The following ZSCAN5A variants were observed in gnomAD, a reference collection of about 807,000 sequenced individuals.
ZSCAN5A encodes zinc finger and SCAN domain-containing protein 5A.
ZSCAN5A carries 12 observed loss-of-function variants against 23.7 expected under a neutral mutation model. The observed-to-expected ratio is 0.51, with a 90% confidence interval of 0.32 to 0.82. ZSCAN5A has a LOEUF of 0.82. Ranked by LOEUF, ZSCAN5A falls within the 40% of genes least tolerant of loss-of-function variation. The pLI is 0.03. For synonymous variants in ZSCAN5A, 257 were observed against 239.9 expected (o/e 1.07, Z -0.66); for missense variants, 597 against 617.9 (o/e 0.97, Z 0.36).
chr19:56,325,748 T>C (rs73052174), intron 2 of ZSCAN5A, among the ~76,000 whole-genome samples: 28,696 of 151,764 alleles, frequency 0.19, 3,581 homozygotes, highest in African/African-American at 0.36. Context: ...GTTGTTGTTG[T>C]TGCTGTTTTC....
intron 2 of ZSCAN5A, among the ~76,000 whole-genome samples, chr19:56,276,326 G>T (rs1407312873): frequency 1.3e-5 from 2 of 152,060 alleles, no homozygotes; most frequent in Non-Finnish European, 2.9e-5. Context: ...TCACTCCTTT[G>T]TCTGGGGAAG....
At chr19:56,317,312 C>G (rs1221551932), upstream of ZSCAN5A, 2 of 152,458 alleles carry the variant, frequency 1.3e-5, no homozygotes, top group East Asian at 3.9e-4. Context: ...GCCACCCAGA[C>G]ACTGCAGGAC....
chr19:56,251,054 G>A (rs10414437), intron 2 of ZSCAN5A, among the ~76,000 whole-genome samples: 15,850 of 151,732 alleles, frequency 0.1, 2,238 homozygotes, highest in African/African-American at 0.32. Context: ...GGAAGCTGGG[G>A]CAGGAGAATC....
intron 2 of ZSCAN5A, among the ~76,000 whole-genome samples, chr19:56,327,037 C>T (rs2041440806): frequency 6.6e-6 from 1 of 151,270 alleles, no homozygotes; most frequent in African/African-American, 2.5e-5. Context: ...GTGACACTTA[C>T]ATGAATATAG....
chr19:56,321,634 T>C (rs917442132), intron 2 of ZSCAN5A: 16 of 876,882 alleles, frequency 1.8e-5, no homozygotes, highest in Non-Finnish European at 3.0e-5. Flanking sequence ...GGTTCATCCA[T>C]GCATCGTTAT....
rs183588436 is a variant in ZSCAN5A at position 56,294,103 on chromosome 19, C to A, written c.-128+19180G>T. Among the ~76,000 whole-genome samples the A allele has an allele frequency of 8.5e-5, 13 of 152,292 alleles. No individual in the cohort carries two copies. In the East Asian group the frequency reaches 2.3e-3, roughly 27 times the overall value. ...AGCACTTTGCAAACTGAAAGCAGACCCAGCAGGAAAATCCCAAACACCTGC... is the reference window on the plus strand; with the variant it reads ...AGCACTTTGCAAACTGAAAGCAGACACAGCAGGAAAATCCCAAACACCTGC... On this transcript the variant is annotated intron_variant, in intron 2 of 5. Transcript: ENST00000683990.
intron 2 of ZSCAN5A, among the ~76,000 whole-genome samples, chr19:56,238,641 T>C (rs1273688701): frequency 6.6e-6 from 1 of 151,564 alleles, no homozygotes; most frequent in Admixed American, 6.6e-5. Context: ...TAAAAATAAA[T>C]CAATCAATAA....
intron 2 of ZSCAN5A, among the ~76,000 whole-genome samples, chr19:56,262,296 G>A (rs2037177469): frequency 6.6e-6 from 1 of 152,100 alleles, no homozygotes; most frequent in African/African-American, 2.4e-5. Context: ...TAGGATTACA[G>A]GCATGAGCCA....
At chr19:56,231,959 C>T (rs1018718550) in intron 2 of ZSCAN5A, among the ~76,000 whole-genome samples, 2 of 150,388 alleles carry the variant, frequency 1.3e-5, no homozygotes, top group African/African-American at 2.4e-5. Flanking sequence ...TTACAGATCA[C>T]GGACAGAATT....
At chr19:56,325,652 A>G (rs1005429272) in intron 2 of ZSCAN5A, among the ~76,000 whole-genome samples, 5 of 151,990 alleles carry the variant, frequency 3.3e-5, no homozygotes, top group African/African-American at 1.2e-4. Context: ...AGAAGTAGAC[A>G]CTTAAAAAAA....
intron 2 of ZSCAN5A, among the ~76,000 whole-genome samples, chr19:56,265,351 G>A (rs552229681): frequency 6.8e-6 from 1 of 148,100 alleles, no homozygotes; most frequent in African/African-American, 2.5e-5. Context: ...AATATTAATT[G>A]AGCATCTAGT....
At chr19:56,261,742 A>G (rs2037144596) in intron 2 of ZSCAN5A, among the ~76,000 whole-genome samples, 1 of 152,216 alleles carries the variant, frequency 6.6e-6, no homozygotes, top group African/African-American at 2.4e-5. Flanking sequence ...CCAAAAACTG[A>G]TATTATTGAA....
At chr19:56,222,996 G>C (rs1272821579) in intron 4 of ZSCAN5A, among the ~76,000 whole-genome samples, 1 of 152,084 alleles carries the variant, frequency 6.6e-6, no homozygotes, top group Admixed American at 6.5e-5. Context: ...GGTTCTCTGA[G>C]CATATTTCTC....
intron 2 of ZSCAN5A, among the ~76,000 whole-genome samples, chr19:56,357,598 T>A (rs1476638635): frequency 6.8e-6 from 1 of 147,106 alleles, no homozygotes; most frequent in African/African-American, 2.6e-5. Context: ...AAAAATCAAA[T>A]TCAAATTGAA....
chr19:56,322,225 A>G, intron 2 of ZSCAN5A: 1 of 946,906 alleles, frequency 1.1e-6, no homozygotes, highest in South Asian at 1.3e-5. Flanking sequence ...TCCTTCTGTA[A>G]TAAGCAAACT....
chr19:56,322,836 T>C (rs2041390718), intron 2 of ZSCAN5A, among the ~76,000 whole-genome samples: 1 of 152,082 alleles, frequency 6.6e-6, no homozygotes, highest in Admixed American at 6.5e-5. Context: ...GTAAATGCTA[T>C]GTAAATAGTT....
Position 56,222,058 on chromosome 19 carries a change from T to G in ZSCAN5A, c.1008A>C (p.Pro336=). The change falls in exon 6 of 6, where the codon CCA becomes CCC. Residue 336 remains proline, a synonymous_variant. Coordinates refer to ENST00000683990, the MANE Select transcript of ZSCAN5A (RefSeq NM_001322064.3). ...GGTGACTGACTGGGCTCGCAGGGCCTGGGGAATGAATTGAATTCATCCCAG... is the reference window on the plus strand; with the variant it reads ...GGTGACTGACTGGGCTCGCAGGGCCGGGGGAATGAATTGAATTCATCCCAG... ...GQAGMNSIHS[P]GPASPVSHPD... is the part of the protein sequence containing the mutation. The G allele has an allele frequency of 6.2e-7, 1 of 1,614,176 alleles. No homozygotes were observed. The highest frequency in any genetic ancestry group is 8.5e-7 in the Non-Finnish European group (1 of 1,180,024).
At chr19:56,246,944 C>T (rs2035955746) in intron 2 of ZSCAN5A, 4 of 1,552,274 alleles carry the variant, frequency 2.6e-6, no homozygotes, top group Admixed American at 1.7e-5. Flanking sequence ...GGAGCCACAC[C>T]TGTGGGCAAC....
At chr19:56,353,249 A>G (rs1444914442) in intron 2 of ZSCAN5A, among the ~76,000 whole-genome samples, 1 of 152,202 alleles carries the variant, frequency 6.6e-6, no homozygotes, top group Admixed American at 6.5e-5. Flanking sequence ...ATCGAGTGTA[A>G]CGGATACTAC....
Sources: gnomAD v4.1 joint callset for allele counts (sites outside exome capture counted in the v4.1 genomes callset) on GRCh38, gnomAD v4.1.1 for gene constraint, MANE v1.5 for transcripts, NCBI Gene and HGNC (gene_info 2026-07-23, HGNC 2026-07-21) for gene names.